The following TSPAN5 variants were observed in gnomAD, a reference collection of about 807,000 sequenced individuals.
TSPAN5 encodes the protein tetraspanin 5.
TSPAN5 carries 10 observed loss-of-function variants against 37.1 expected under a neutral mutation model. The observed-to-expected ratio is 0.27, with a 90% CI of 0.17 to 0.46. The LOEUF is 0.46. Among genes scored for constraint, TSPAN5 ranks in the 20% least tolerant of loss-of-function variants. TSPAN5 has a pLI of 1.00. For synonymous variants in TSPAN5, 110 were observed against 118.9 expected (o/e 0.93, Z 0.48); for missense variants, 195 against 326.6 (o/e 0.60, Z 3.11).
intron 1 of TSPAN5, among the ~76,000 whole-genome samples, chr4:98,586,914 G>A (rs553494010): frequency 1.3e-5 from 2 of 152,344 alleles, no homozygotes; most frequent in East Asian, 3.9e-4. Flanking sequence ...AGCTGGAGGA[G>A]TGACTTTGGC....
At chr4:98,587,218 T>C (rs1051812248) in intron 1 of TSPAN5, among the ~76,000 whole-genome samples, 2 of 152,222 alleles carry the variant, frequency 1.3e-5, no homozygotes, top group Non-Finnish European at 2.9e-5. Flanking sequence ...CTGGGGGACA[T>C]GGGCAGAGAA....
intron 2 of TSPAN5, among the ~76,000 whole-genome samples, chr4:98,500,963 G>A (rs1343875120): frequency 2.0e-5 from 3 of 152,114 alleles, no homozygotes; most frequent in Non-Finnish European, 4.4e-5. Flanking sequence ...CCAGGGAAAG[G>A]CATTTTCCCT....
At chr4:98,485,762 C>CT (rs766494512) in intron 3 of TSPAN5, among the ~76,000 whole-genome samples, 3,325 of 86,514 alleles carry the variant, frequency 0.038, 125 homozygotes, top group Non-Finnish European at 0.05. Context: ...CTTGGATATG[C>CT]TTTTTTTTTT....
At chr4:98,648,499 T>G (rs1757116292) in intron 1 of TSPAN5, among the ~76,000 whole-genome samples, 1 of 152,234 alleles carries the variant, frequency 6.6e-6, no homozygotes. Context: ...AATAAATGGC[T>G]AGCTTCTAGC....
At chr4:98,590,686 G>A (rs1384880050) in intron 1 of TSPAN5, among the ~76,000 whole-genome samples, 6 of 151,310 alleles carry the variant, frequency 4.0e-5, no homozygotes, top group Non-Finnish European at 5.9e-5. Context: ...CTCCAGCCTG[G>A]GCGACAGAGC....
intron 2 of TSPAN5, among the ~76,000 whole-genome samples, chr4:98,498,722 G>A (rs535052348): frequency 2.2e-4 from 34 of 152,200 alleles, no homozygotes; most frequent in African/African-American, 7.5e-4. Context: ...GGCACCTCCC[G>A]GGAGCTCTGA....
chr4:98,533,119 A>G (rs772112679), intron 1 of TSPAN5, among the ~76,000 whole-genome samples: 1 of 152,174 alleles, frequency 6.6e-6, no homozygotes, highest in Non-Finnish European at 1.5e-5. Flanking sequence ...TTCTGCATCA[A>G]TGTTCATCAG....
At chr4:98,619,091 T>C (rs766641215) in intron 1 of TSPAN5, among the ~76,000 whole-genome samples, 35 of 152,264 alleles carry the variant, frequency 2.3e-4, no homozygotes, top group Middle Eastern at 3.4e-3. Flanking sequence ...AAAAACTGTA[T>C]CTCCTACTAC....
chr4:98,600,217 T>TG (rs1466282638), intron 1 of TSPAN5, among the ~76,000 whole-genome samples: 2 of 152,136 alleles, frequency 1.3e-5, no homozygotes, highest in Admixed American at 6.5e-5. Flanking sequence ...TTTTTGCTGG[T>TG]GGGGGGCCTT....
At chr4:98,544,771 C>G (rs1754432172) in intron 1 of TSPAN5, among the ~76,000 whole-genome samples, 1 of 152,178 alleles carries the variant, frequency 6.6e-6, no homozygotes, top group Admixed American at 6.5e-5. Flanking sequence ...GATGACACAT[C>G]TTTGAACATA....
chr4:98,621,451 T>C (rs967652732), intron 1 of TSPAN5, among the ~76,000 whole-genome samples: 1 of 149,112 alleles, frequency 6.7e-6, no homozygotes, highest in African/African-American at 2.5e-5. Flanking sequence ...TACTGCAAGC[T>C]CTGCCCCCCA....
intron 1 of TSPAN5, among the ~76,000 whole-genome samples, chr4:98,508,687 G>A (rs1753531160): frequency 6.6e-6 from 1 of 151,858 alleles, no homozygotes; most frequent in African/African-American, 2.4e-5. Context: ...ACCATGCCTG[G>A]CTAATTTTTC....
intron 2 of TSPAN5, among the ~76,000 whole-genome samples, chr4:98,499,235 C>T (rs1027842943): frequency 6.6e-6 from 1 of 152,236 alleles, no homozygotes; most frequent in Non-Finnish European, 1.5e-5. Context: ...CCCGGGCAGG[C>T]GGTGGGCAGA....
intron 1 of TSPAN5, among the ~76,000 whole-genome samples, chr4:98,645,794 C>G (rs1181198493): frequency 6.6e-6 from 1 of 152,200 alleles, no homozygotes; most frequent in Non-Finnish European, 1.5e-5. Flanking sequence ...TCTAAACCAG[C>G]AGTTTTAGGG....
chr4:98,614,488 C>T (rs1258258283), intron 1 of TSPAN5, among the ~76,000 whole-genome samples: 5 of 152,174 alleles, frequency 3.3e-5, no homozygotes, highest in African/African-American at 1.2e-4. Context: ...CCAAAGTGAA[C>T]ATATGACCCA....
chr4:98,635,203 T>C (rs1037363494), intron 1 of TSPAN5, among the ~76,000 whole-genome samples: 4 of 152,202 alleles, frequency 2.6e-5, no homozygotes, highest in Non-Finnish European at 5.9e-5. Flanking sequence ...CATTCATGCA[T>C]TCAAAACAAT....
At chr4:98,583,505 A>C (rs1263537924) in intron 1 of TSPAN5, among the ~76,000 whole-genome samples, 2 of 152,204 alleles carry the variant, frequency 1.3e-5, no homozygotes, top group Non-Finnish European at 2.9e-5. Context: ...TCTTATATCA[A>C]TAATCTCTAA....
At position 98,483,516 on chromosome 4, in the gene TSPAN5, C is replaced by T. The variant is rs186098070; in HGVS notation, c.280-1341G>A. On this transcript the variant is annotated intron_variant, in intron 3 of 7. Transcript: ENST00000305798. ...GGGGTATCCTTGCCTTCGAAGATGT[C>T]CCAGTCTTATGTGATTAGGGAGGCT... is the stretch of plus-strand genomic sequence containing the variant. 2.0e-5 allele frequency: 3 copies of T among 152,296 alleles called. No individual in the cohort carries two copies. In the South Asian group the frequency reaches 6.2e-4, roughly 32 times the overall value. The allele number at this position is 152,296 out of a possible 1,614,324, so 9.4% of individuals were successfully genotyped here. A position where few individuals can be genotyped will look rare whatever the true frequency, so the allele number is the denominator to read the frequency against.
chr4:98,544,783 C>T (rs543647828), intron 1 of TSPAN5, among the ~76,000 whole-genome samples: 1 of 152,202 alleles, frequency 6.6e-6, no homozygotes, highest in East Asian at 1.9e-4. Context: ...TTGAACATAG[C>T]TATAATTTAA....
Sources: gnomAD v4.1 joint callset for allele counts (sites outside exome capture counted in the v4.1 genomes callset) on GRCh38, gnomAD v4.1.1 for gene constraint, MANE v1.5 for transcripts, NCBI Gene and HGNC (gene_info 2026-07-23, HGNC 2026-07-21) for gene names.